The following ELFN2 variants were observed in gnomAD, a reference collection of about 807,000 sequenced individuals.
The protein encoded by ELFN2 is protein phosphatase 1 regulatory subunit 29.
In ELFN2, 17 loss-of-function variants were observed where a neutral mutation model predicts 45.5. The observed-to-expected ratio is 0.37, with a 90% CI of 0.26 to 0.56. The LOEUF is 0.56. ELFN2 is among the 20% of genes least tolerant of loss of function. ELFN2 has a pLI of 0.77. For missense variants in ELFN2, 922 were observed against 1,183.2 expected (o/e 0.78, Z 3.24); for synonymous variants, 550 against 551.5 (o/e 1.00, Z 0.04).
chr22:37,401,112 G>C (rs942551412), intron 2 of ELFN2, among the ~76,000 whole-genome samples: 2 of 152,192 alleles, frequency 1.3e-5, no homozygotes, highest in Non-Finnish European at 2.9e-5. Context: ...GGGGGCCGTG[G>C]GGCCTAGGCC....
At chr22:37,407,134 CGTGT>C (rs139611465) in intron 2 of ELFN2, among the ~76,000 whole-genome samples, 23 of 151,870 alleles carry the variant, frequency 1.5e-4, no homozygotes, top group South Asian at 4.2e-4. Flanking sequence ...TGTGTGTGTG[CGTGT>C]GTGTGTGTGT....
intron 2 of ELFN2, among the ~76,000 whole-genome samples, chr22:37,380,765 C>T (rs568259995): frequency 1.3e-5 from 2 of 152,268 alleles, no homozygotes; most frequent in African/African-American, 4.8e-5. Context: ...GCTGCTGGAA[C>T]CCTAGCACCA....
Position 37,409,163 on chromosome 22 carries a change from C to T in ELFN2, c.-463+8606G>A, listed in dbSNP as rs79128524. Among the ~76,000 whole-genome samples, 766 of 152,274 alleles carry T rather than the reference C, an allele frequency of 5.0e-3. 9 individuals are homozygous for T. The highest frequency in any genetic ancestry group is 0.018 in the African/African-American group (752 of 41,550). ...GAGAGCCACAGGCCAGGGACCAGGC[C>T]CCAGACCCTGCTCCATCACCTGCAC... is the stretch of plus-strand genomic sequence containing the variant. On this transcript the variant is annotated intron_variant, in intron 2 of 2. Coordinates refer to ENST00000402918, the MANE Select transcript of ELFN2 (RefSeq NM_052906.5).
intron 2 of ELFN2, among the ~76,000 whole-genome samples, chr22:37,379,501 T>C (rs1931687584): frequency 6.6e-6 from 1 of 152,138 alleles, no homozygotes; most frequent in Non-Finnish European, 1.5e-5. Flanking sequence ...CTAGAGCTTT[T>C]CTCCCTTCAG....
chr22:37,366,256 A>C (rs1931204152), downstream of ELFN2, among the ~76,000 whole-genome samples: 1 of 152,252 alleles, frequency 6.6e-6, no homozygotes, highest in African/African-American at 2.4e-5. Context: ...AGTTGAAATG[A>C]AAAGGCAAGG....
rs780517698 is a variant in ELFN2 at position 37,373,666 on chromosome 22, G to A, written c.1869C>T (p.Ala623=). ...PLQRQLSADA[A]VTRKTCSVSS... is the part of the protein sequence containing the mutation. Reference sequence around the variant, plus strand: ...ACACGCTGCAGGTCTTGCGGGTCACGGCCGCGTCGGCGCTCAGCTGGCGCT... The same window carrying A: ...ACACGCTGCAGGTCTTGCGGGTCACAGCCGCGTCGGCGCTCAGCTGGCGCT... Residue 623 remains alanine, a synonymous_variant, in exon 3 of 3, where the codon GCC becomes GCT. Transcript: ENST00000402918. 32 of 1,573,696 alleles carry A rather than the reference G, an allele frequency of 2.0e-5. No individual in the cohort carries two copies. The highest frequency in any genetic ancestry group is 1.1e-4 in the South Asian group (9 of 84,678).
intron 2 of ELFN2, among the ~76,000 whole-genome samples, chr22:37,409,031 C>T (rs1601767382): frequency 6.6e-6 from 1 of 152,234 alleles, no homozygotes; most frequent in Non-Finnish European, 1.5e-5. Context: ...TCTCTCCCTA[C>T]AGCATCAAGG....
chr22:37,365,118 C>T (rs1171352356), downstream of ELFN2, among the ~76,000 whole-genome samples: 1 of 152,072 alleles, frequency 6.6e-6, no homozygotes, highest in Admixed American at 6.5e-5. Context: ...AGGAGGCCAG[C>T]CTCTGAGACA....
intron 1 of ELFN2, among the ~76,000 whole-genome samples, chr22:37,355,081 CCT>C (rs1569126507): frequency 6.6e-6 from 1 of 152,202 alleles, no homozygotes; most frequent in Non-Finnish European, 1.5e-5. Flanking sequence ...GAGGATACCC[CCT>C]CTTTCTTTTC....
chr22:37,385,964 T>C (rs1228268839), intron 2 of ELFN2, among the ~76,000 whole-genome samples: 1 of 152,156 alleles, frequency 6.6e-6, no homozygotes, highest in Non-Finnish European at 1.5e-5. Context: ...TACAGGACTT[T>C]AAGCTGTCCT....
downstream of ELFN2, among the ~76,000 whole-genome samples, chr22:37,366,065 C>T (rs555449059): frequency 9.9e-5 from 15 of 152,250 alleles, no homozygotes; most frequent in Non-Finnish European, 1.6e-4. Context: ...GGGCTCACGG[C>T]GTTTGCTCGG....
intron 1 of ELFN2, among the ~76,000 whole-genome samples, chr22:37,357,188 A>G (rs1930972938): frequency 6.6e-6 from 1 of 152,198 alleles, no homozygotes; most frequent in African/African-American, 2.4e-5. Flanking sequence ...AAAGATAAAG[A>G]AAAAGGAAAT....
At chr22:37,424,421 C>A (rs1478532386) in intron 1 of ELFN2, among the ~76,000 whole-genome samples, 2 of 152,136 alleles carry the variant, frequency 1.3e-5, no homozygotes, top group Admixed American at 1.3e-4. Context: ...CTAGACACGC[C>A]CCACTGGAGA....
At chr22:37,402,166 C>G (rs1226660612) in intron 2 of ELFN2, among the ~76,000 whole-genome samples, 1 of 152,228 alleles carries the variant, frequency 6.6e-6, no homozygotes, top group Admixed American at 6.5e-5. Flanking sequence ...AAGTAAAGTG[C>G]TTAGTTGTCT....
intron 1 of ELFN2, among the ~76,000 whole-genome samples, chr22:37,343,343 C>A (rs1399964147): frequency 1.3e-5 from 2 of 152,150 alleles, no homozygotes; most frequent in African/African-American, 4.8e-5. Flanking sequence ...TTTGGAACAA[C>A]CTGCCCTCCC....
At chr22:37,341,816 AT>A (rs1930566025) in intron 2 of ELFN2, among the ~76,000 whole-genome samples, 1 of 152,184 alleles carries the variant, frequency 6.6e-6, no homozygotes. Flanking sequence ...CATCTGCAAA[AT>A]GGGTCAGTGA....
At chr22:37,404,054 A>ACCAC (rs1932436176) in intron 2 of ELFN2, among the ~76,000 whole-genome samples, 2 of 152,240 alleles carry the variant, frequency 1.3e-5, no homozygotes, top group East Asian at 3.9e-4. Context: ...GGTACCCAGA[A>ACCAC]GGTGGCACTT....
At chr22:37,367,697 G>A (rs1031314974), downstream of ELFN2, among the ~76,000 whole-genome samples, 6 of 152,230 alleles carry the variant, frequency 3.9e-5, no homozygotes, top group Admixed American at 2.0e-4. Context: ...TTTTGGGAAG[G>A]GAGGTCATCA....
At chr22:37,379,925 C>T (rs922056366) in intron 2 of ELFN2, among the ~76,000 whole-genome samples, 1 of 152,206 alleles carries the variant, frequency 6.6e-6, no homozygotes, top group African/African-American at 2.4e-5. Context: ...AGTCCCACCC[C>T]TGCCCCCCCT....
Sources: gnomAD v4.1 joint callset for allele counts (sites outside exome capture counted in the v4.1 genomes callset) on GRCh38, gnomAD v4.1.1 for gene constraint, MANE v1.5 for transcripts, NCBI Gene and HGNC (gene_info 2026-07-23, HGNC 2026-07-21) for gene names.